Variants in CACNA1B observed in about 807,000 individuals in gnomAD.
CACNA1B encodes calcium voltage-gated channel subunit alpha1 B.
In CACNA1B, 70 loss-of-function variants were observed where a neutral mutation model predicts 247.2. That is an observed-to-expected ratio of 0.28 (90% CI 0.23 to 0.35). CACNA1B has a LOEUF of 0.35. Among genes scored for constraint, CACNA1B ranks in the 10% least tolerant of loss-of-function variants. The pLI is 1.00. For synonymous variants in CACNA1B, 1,231 were observed against 1,294.4 expected (o/e 0.95, Z 1.05); for missense variants, 2,367 against 3,197.4 (o/e 0.74, Z 6.26).
chr9:137,895,502 T>C (rs977845166), intron 3 of CACNA1B, among the ~76,000 whole-genome samples: 2 of 152,256 alleles, frequency 1.3e-5, no homozygotes, highest in African/African-American at 4.8e-5. Flanking sequence ...TCCATTTATG[T>C]AGATCTTTGA....
At position 138,044,978 on chromosome 9, in the gene CACNA1B, C is replaced by T. The variant is rs141346330; in HGVS notation, c.3413+1078C>T. Among the ~76,000 whole-genome samples the T allele has an allele frequency of 1.9e-3, 287 of 152,306 alleles. 2 individuals are homozygous for T. The highest frequency in any genetic ancestry group is 6.6e-3 in the African/African-American group (276 of 41,548). ...CAGTGGCAGGTGAGGGGTGGTAACC[C>T]GGTGTGGAAATGGAAACACAGGAAG... On this transcript the variant is annotated intron_variant, in intron 21 of 46. Transcript: ENST00000371372.
chr9:138,043,817 G>A lies in CACNA1B; in HGVS notation c.3330G>A (p.Glu1110=). 6.2e-7 allele frequency: 1 copy of A among 1,613,950 alleles called. No homozygotes were observed. Among genetic ancestry groups the A allele is most frequent in the Non-Finnish European group, 8.5e-7 (1 of 1,179,872 alleles). ...AAAGCCAAGCAGAGGGGAAGAAGGA[G>A]GTGGAAGCGGATGACGTGATGAGGA... The part of the protein sequence containing the change: ...DLESQAEGKK[E]VEADDVMRSG... Residue 1110 remains glutamate (E), a synonymous_variant, in exon 21 of 47, where the codon GAG becomes GAA. Transcript: ENST00000371372.
At chr9:138,067,255 C>T (rs984054955) in intron 31 of CACNA1B, among the ~76,000 whole-genome samples, 1 of 152,128 alleles carries the variant, frequency 6.6e-6, no homozygotes, top group Admixed American at 6.5e-5. Flanking sequence ...ATAAAGAAAA[C>T]ACCAGATTCT....
chr9:137,970,049 CATG>C (rs1177423790), intron 10 of CACNA1B, among the ~76,000 whole-genome samples: 4 of 152,198 alleles, frequency 2.6e-5, no homozygotes, highest in Non-Finnish European at 5.9e-5. Flanking sequence ...CACACATATG[CATG>C]TGTGTACAAA....
At chr9:138,044,954 A>G (rs1023737119) in intron 21 of CACNA1B, among the ~76,000 whole-genome samples, 1 of 152,228 alleles carries the variant, frequency 6.6e-6, no homozygotes, top group Non-Finnish European at 1.5e-5. Flanking sequence ...CTGACAGTGC[A>G]GTGGCAGGTG....
intron 15 of CACNA1B, among the ~76,000 whole-genome samples, chr9:138,000,338 T>TG (rs1297393376): frequency 1.3e-5 from 2 of 152,168 alleles, no homozygotes; most frequent in Non-Finnish European, 2.9e-5. Context: ...GACCTCGTGA[T>TG]CAGCCCGCCT....
chr9:137,943,440 T>C (rs1400276860), intron 6 of CACNA1B, among the ~76,000 whole-genome samples: 1 of 152,194 alleles, frequency 6.6e-6, no homozygotes, highest in African/African-American at 2.4e-5. Context: ...TCATTATCAC[T>C]TTGGAGGCTT....
intron 18 of CACNA1B, among the ~76,000 whole-genome samples, chr9:138,016,763 C>A (rs181931517): frequency 6.6e-6 from 1 of 152,206 alleles, no homozygotes; most frequent in East Asian, 1.9e-4. Flanking sequence ...GTCAGCCTCC[C>A]GCCGCAGGGT....
At chr9:137,931,794 T>C (rs1957610661) in intron 6 of CACNA1B, among the ~76,000 whole-genome samples, 1 of 152,116 alleles carries the variant, frequency 6.6e-6, no homozygotes, top group Admixed American at 6.5e-5. Flanking sequence ...CTTGATGGTC[T>C]CTGGGCGAGA....
At position 137,891,654 on chromosome 9, in the gene CACNA1B, A is replaced by G. The variant is rs1957101195; in HGVS notation, c.530+8771A>G. ...CTCCTCCTTCACACTGGAGCGGCAG[A>G]GTTGCAGATTCACACTGAGGTGAGG... On this transcript the variant is annotated intron_variant, in intron 3 of 46. Transcript: ENST00000371372. This position sits in a 1 kb window ranked among gnomAD's most constrained non-coding sequence, Gnocchi z 4.3. 2 of 214,784 alleles carry G rather than the reference A, an allele frequency of 9.3e-6. No individual in the cohort carries two copies. The highest frequency in any genetic ancestry group is 5.5e-5 in the Admixed American group (1 of 18,214). The allele number at this position is 214,784 out of a possible 1,614,324, so 13.3% of individuals were successfully genotyped here.
intron 38 of CACNA1B, among the ~76,000 whole-genome samples, chr9:138,105,107 G>T (rs1243085127): frequency 6.6e-6 from 1 of 152,250 alleles, no homozygotes; most frequent in African/African-American, 2.4e-5. Flanking sequence ...GCAGAGATGG[G>T]CTCTGCCTTT....
At chr9:137,890,213 CAT>C (rs1327587186) in intron 3 of CACNA1B, 2 of 150,070 alleles carry the variant, frequency 1.3e-5, no homozygotes, top group Non-Finnish European at 3.0e-5. Flanking sequence ...TGGGGCCTCT[CAT>C]ATGCCCGCCT....
chr9:138,083,429 A>G (rs1960592377), intron 36 of CACNA1B, among the ~76,000 whole-genome samples: 1 of 150,826 alleles, frequency 6.6e-6, no homozygotes, highest in Admixed American at 6.6e-5. Context: ...CTCCTGGGAA[A>G]ACAGTACCTT....
In CACNA1B at chr9:137,966,350, G is replaced by A. The variant is rs28463114; in HGVS notation, c.1334-5033G>A. Among the ~76,000 whole-genome samples, 1,145 of 137,480 alleles carry A rather than the reference G, an allele frequency of 8.3e-3. 14 individuals are homozygous for A. Among genetic ancestry groups the A allele is most frequent in the African/African-American group, 0.03 (1,079 of 36,520 alleles). The allele number at this position is 137,480 out of a possible 152,430, so 90.2% of individuals were successfully genotyped here. A position where few individuals can be genotyped will look rare whatever the true frequency, so the allele number is the denominator to read the frequency against. On this transcript the variant is annotated intron_variant, in intron 10 of 46. Coordinates refer to ENST00000371372, the MANE Select transcript of CACNA1B (RefSeq NM_000718.4). Reference sequence around the variant, plus strand: ...TGCCATTCTCCTGCCTCAGCCTCCTGAGTAGCTGGGACTACAGGCACCTAC... The same window carrying A: ...TGCCATTCTCCTGCCTCAGCCTCCTAAGTAGCTGGGACTACAGGCACCTAC...
rs539351823 is a variant in CACNA1B at position 138,072,417 on chromosome 9, C to G, written c.4675-1071C>G. 6.6e-6 allele frequency among the ~76,000 whole-genome samples: 1 copy of G among 152,362 alleles called. No homozygotes were observed. The highest frequency in any genetic ancestry group is 1.5e-5 in the Non-Finnish European group (1 of 68,040). ...GAGAGTCGGGATGCTCTGCCAGGCCCTCACCGCCTCTGCGCCTGCACGTGC... is the reference window on the plus strand; with the variant it reads ...GAGAGTCGGGATGCTCTGCCAGGCCGTCACCGCCTCTGCGCCTGCACGTGC... On this transcript the variant is annotated intron_variant, in intron 32 of 46. Transcript: ENST00000371372. The surrounding 1 kb of genome is among the most constrained non-coding windows in gnomAD (Gnocchi z 4.5).
At chr9:138,080,629 A>C (rs1960495128) in intron 36 of CACNA1B, among the ~76,000 whole-genome samples, 1 of 152,184 alleles carries the variant, frequency 6.6e-6, no homozygotes, top group Non-Finnish European at 1.5e-5. Flanking sequence ...ATAGAAGTGG[A>C]GACAAAAACA....
At position 138,115,844 on chromosome 9, in the gene CACNA1B, C is replaced by T. The variant is rs567041239; in HGVS notation, c.5777+165C>T. Among the ~76,000 whole-genome samples, 21 of 152,332 alleles carry T rather than the reference C, an allele frequency of 1.4e-4. No homozygotes were observed. The South Asian group carries it at 3.3e-3, about 24-fold the overall frequency. On this transcript the variant is annotated intron_variant, in intron 42 of 46. Coordinates refer to ENST00000371372, the MANE Select transcript of CACNA1B (RefSeq NM_000718.4). ...GGGGCGTGTCTGCCATCCGACCCTGCACTTGGGCCCTTAGCAACCCTCCAA... is the reference window on the plus strand; with the variant it reads ...GGGGCGTGTCTGCCATCCGACCCTGTACTTGGGCCCTTAGCAACCCTCCAA...
chr9:138,068,728 G>A (rs141863612), intron 31 of CACNA1B: 524 of 468,860 alleles, frequency 1.1e-3, no homozygotes, highest in African/African-American at 8.9e-3. Flanking sequence ...CAAGAGGGGC[G>A]GGAACTGCTG....
At chr9:137,886,385 G>A (rs1295284235) in intron 3 of CACNA1B, among the ~76,000 whole-genome samples, 5 of 152,214 alleles carry the variant, frequency 3.3e-5, no homozygotes, top group Non-Finnish European at 7.3e-5. Flanking sequence ...CCCTGCCTTC[G>A]TCTGCCTTCC....
Sources: gnomAD v4.1 joint callset for allele counts (sites outside exome capture counted in the v4.1 genomes callset) on GRCh38, gnomAD v4.1.1 for gene constraint, Gnocchi (gnomAD v3.1) non-coding constraint, MANE v1.5 for transcripts, NCBI Gene and HGNC (gene_info 2026-07-23, HGNC 2026-07-21) for gene names.